FGFR3: variants seen among roughly 807,000 people sequenced by gnomAD.
The protein encoded by FGFR3 is FGFR-3.
In FGFR3, 25 loss-of-function variants were observed where a neutral mutation model predicts 82.9. The observed-to-expected ratio is 0.30, with a 90% CI of 0.22 to 0.42. The LOEUF (loss-of-function observed/expected upper bound fraction) is 0.42, where lower values mean the gene tolerates loss of function less well. Among genes scored for constraint, FGFR3 ranks in the 10% least tolerant of loss-of-function variants. The pLI, the probability that FGFR3 is intolerant of heterozygous loss-of-function variation, is 1.00. For missense variants in FGFR3, 1,026 were observed against 1,161.0 expected (o/e 0.88, Z 1.69); for synonymous variants, 620 against 516.0 (o/e 1.20, Z -2.73).
In FGFR3 at chr4:1,804,916, T is replaced by A; in HGVS notation, c.1359T>A (p.Asn453Lys). The change falls in exon 10 of 18, where the codon AAT becomes AAA. Residue 453 changes from asparagine to lysine, a missense_variant. Around this residue, in one of 9 missense-constraint regions of FGFR3, gnomAD observed 256 missense variants for 217.6 expected, o/e 1.18. Transcript: ENST00000440486. ...LSSGEGPTLANVSELELPADP... is the reference protein window; with the variant it reads ...LSSGEGPTLAKVSELELPADP... ...CAGGGGAGGGCCCCACGCTGGCCAA[T>A]GTCTCCGAGCTCGAGCTGCCTGCCG... is the stretch of plus-strand genomic sequence containing the variant. The A allele has an allele frequency of 6.5e-7, 1 of 1,549,696 alleles. No individual in the cohort carries two copies. The highest frequency in any genetic ancestry group is 8.7e-7 in the Non-Finnish European group (1 of 1,146,864).
chr4:1,803,232 C>T, intron 7 of FGFR3: 5 of 808,490 alleles, frequency 6.2e-6, no homozygotes, highest in Non-Finnish European at 8.7e-6. Flanking sequence ...CGGTGACCGC[C>T]CGCTTCGAGC....
chr4:1,802,459 C>T (rs902872909), intron 7 of FGFR3, among the ~76,000 whole-genome samples: 2 of 152,322 alleles, frequency 1.3e-5, no homozygotes, highest in South Asian at 2.1e-4. Flanking sequence ...TGCCCGCCTC[C>T]TGAAGCCCTT....
rs1722213535 is a variant in FGFR3 at position 1,808,209 on chromosome 4, A to C, written c.*947A>C. 1 of 232,700 alleles carries C rather than the reference A, an allele frequency of 4.3e-6. No individual in the cohort carries two copies. The highest frequency in any genetic ancestry group is 1.8e-4 in the South Asian group (1 of 5,510). 14.4% of individuals were successfully genotyped at this position (232,700 alleles called of 1,614,324 possible). A position where few individuals can be genotyped will look rare whatever the true frequency, so the allele number is the denominator to read the frequency against. On this transcript the variant is annotated 3_prime_UTR_variant, in exon 18 of 18. Coordinates refer to ENST00000440486, the MANE Select transcript of FGFR3 (RefSeq NM_000142.5). ...GAGTTTTAATTTTTAACTTATTGAC[A>C]ACCGAGAAGGTTTATCCCGCCGATA...
At position 1,807,373 on chromosome 4, in the gene FGFR3, G is replaced by GACCAA; in HGVS notation, c.*112_*113insCCAAA. On this transcript the variant is annotated 3_prime_UTR_variant, in exon 18 of 18. Coordinates refer to ENST00000440486, the MANE Select transcript of FGFR3 (RefSeq NM_000142.5). ...GTGCAGATGGAGAGACAGCTACACA[G>GACCAA]AGCTTTGGTCTGTGTGTGTGTGTGT... 8 of 1,446,580 alleles carry GACCAA rather than the reference G, an allele frequency of 5.5e-6. No homozygotes were observed. Among genetic ancestry groups the GACCAA allele is most frequent in the Non-Finnish European group, 7.5e-6 (8 of 1,069,180 alleles). 89.6% of individuals were successfully genotyped at this position (1,446,580 alleles called of 1,614,324 possible). A position where few individuals can be genotyped will look rare whatever the true frequency, so the allele number is the denominator to read the frequency against.
chr4:1,802,479 C>G (rs958409830), intron 7 of FGFR3, among the ~76,000 whole-genome samples: 3 of 152,184 alleles, frequency 2.0e-5, no homozygotes, highest in African/African-American at 7.2e-5. Context: ...TAGCTTTGTT[C>G]CCATGGCTGC....
intron 10 of FGFR3, among the ~76,000 whole-genome samples, 156 bp downstream of exon 10, chr4:1,805,125 G>A (rs1331453371): frequency 1.3e-5 from 2 of 152,252 alleles, no homozygotes; most frequent in African/African-American, 4.8e-5. Flanking sequence ...TGGGACGGGT[G>A]TATGGCAGGG....
rs1309668837 is a variant in FGFR3 at position 1,808,650 on chromosome 4, G to A, written c.*1388G>A. On this transcript the variant is annotated 3_prime_UTR_variant, in exon 18 of 18. Coordinates refer to ENST00000440486, the MANE Select transcript of FGFR3 (RefSeq NM_000142.5). ...ATAGCCTGGACTGCTACCTTTCAAAGCTTGGAGGGAAGCCGTGAATTCAGT... is the reference window on the plus strand; with the variant it reads ...ATAGCCTGGACTGCTACCTTTCAAAACTTGGAGGGAAGCCGTGAATTCAGT... The A allele has an allele frequency of 8.6e-6, 2 of 231,674 alleles. No individual in the cohort carries two copies. Among genetic ancestry groups the A allele is most frequent in the African/African-American group, 2.2e-5 (1 of 45,204 alleles). The allele number at this position is 231,674 out of a possible 1,614,324, so 14.4% of individuals were successfully genotyped here.
rs745848425 is a variant in FGFR3 at position 1,805,822 on chromosome 4, C to T, written c.1718C>T (p.Pro573Leu). ...GAGTTTCTGCGGGCGCGGCGGCCCC[C>T]GGGCCTGGACTACTCCTTCGACACC... ...LREFLRARRP[P>L]GLDYSFDTCK... is the part of the protein sequence containing the mutation. The change falls in exon 13 of 18, where the codon CCG becomes CTG. Residue 573 changes from proline to leucine, a missense_variant. By Grantham distance (98) the Pro-to-Leu change is moderately conservative (BLOSUM62 -3). Transcript: ENST00000440486. 48 of 1,612,228 alleles carry T rather than the reference C, an allele frequency of 3.0e-5. No individual in the cohort carries two copies. The highest frequency in any genetic ancestry group is 3.9e-5 in the Non-Finnish European group (46 of 1,179,800).
chr4:1,802,674 A>T (rs925109182), intron 7 of FGFR3, among the ~76,000 whole-genome samples: 2 of 151,942 alleles, frequency 1.3e-5, no homozygotes, highest in African/African-American at 4.8e-5. Context: ...AGCCCGGGGG[A>T]GGGCAGGCCA....
intron 4 of FGFR3, 150 bp downstream of exon 4, chr4:1,799,962 G>A: frequency 4.7e-6 from 4 of 853,812 alleles, no homozygotes; most frequent in Non-Finnish European, 5.4e-6. Flanking sequence ...GATACAGGAG[G>A]GGCTGGGTCA....
rs990480051 is a variant in FGFR3 at position 1,805,752 on chromosome 4, C to T, written c.1648C>T (p.Pro550Ser). The T allele has an allele frequency of 2.5e-6, 4 of 1,612,446 alleles. No individual in the cohort carries two copies. Among genetic ancestry groups the T allele is most frequent in the Middle Eastern group, 1.7e-4 (1 of 6,026 alleles). Residue 550 changes from proline to serine, a missense_variant and splice_region_variant, in exon 13 of 18, where the codon CCC (proline) becomes TCC (serine). By Grantham distance (74) the Pro-to-Ser change is moderately conservative. Transcript: ENST00000440486. ...NLLGACTQGG[P>S]LYVLVEYAAK... The stretch of plus-strand genomic sequence containing the variant: ...GTCTGAGGAGCCCGTGTCCCCAGGG[C>T]CCCTGTACGTGCTGGTGGAGTACGC...
chr4:1,806,925 G>A lies in FGFR3; in HGVS notation c.2265G>A (p.Thr755=), dbSNP rs755791719. Residue 755 remains threonine, a synonymous_variant, in exon 17 of 18, where the codon ACG becomes ACA. Coordinates refer to ENST00000440486, the MANE Select transcript of FGFR3 (RefSeq NM_000142.5). ...VEDLDRVLTV[T]STDEYLDLSA... Reference sequence around the variant, plus strand: ...ACCTGGACCGTGTCCTTACCGTGACGTCCACCGACGTGAGTGCTGGCTCTG... The same window carrying A: ...ACCTGGACCGTGTCCTTACCGTGACATCCACCGACGTGAGTGCTGGCTCTG... 33 of 1,606,138 alleles carry A rather than the reference G, an allele frequency of 2.1e-5. No homozygotes were observed. The highest frequency in any genetic ancestry group is 1.6e-4 in the Middle Eastern group (1 of 6,076).
Position 1,807,766 on chromosome 4 carries a change from C to G in FGFR3, c.*504C>G. On this transcript the variant is annotated 3_prime_UTR_variant, in exon 18 of 18. Coordinates refer to ENST00000440486, the MANE Select transcript of FGFR3 (RefSeq NM_000142.5). ...ACCGCCTCCCCACCTCCAGGCTTTCCCACTTCCCACCCTGCCCCTCAGAGA... is the reference window on the plus strand; with the variant it reads ...ACCGCCTCCCCACCTCCAGGCTTTCGCACTTCCCACCCTGCCCCTCAGAGA... 1.8e-6 allele frequency: 1 copy of G among 561,244 alleles called. No homozygotes were observed. The highest frequency in any genetic ancestry group is 1.8e-5 in the African/African-American group (1 of 55,026). The allele number at this position is 561,244 out of a possible 1,614,324, so 34.8% of individuals were successfully genotyped here.
In FGFR3 at chr4:1,807,749, C is replaced by G; in HGVS notation, c.*487C>G. ...CCTGGGGTGTTAGTGGCACCGCCTCCCCACCTCCAGGCTTTCCCACTTCCC... is the reference window on the plus strand; with the variant it reads ...CCTGGGGTGTTAGTGGCACCGCCTCGCCACCTCCAGGCTTTCCCACTTCCC... On this transcript the variant is annotated 3_prime_UTR_variant, in exon 18 of 18. Transcript: ENST00000440486. 1 of 587,172 alleles carries G rather than the reference C, an allele frequency of 1.7e-6. No individual in the cohort carries two copies. The highest frequency in any genetic ancestry group is 3.3e-6 in the Non-Finnish European group (1 of 301,680). The allele number at this position is 587,172 out of a possible 1,614,324, so 36.4% of individuals were successfully genotyped here.
At chr4:1,800,101 T>C (rs1354800965) in intron 4 of FGFR3, among the ~76,000 whole-genome samples, 2 of 151,892 alleles carry the variant, frequency 1.3e-5, no homozygotes, top group East Asian at 3.9e-4. Flanking sequence ...AGGGCTGGCC[T>C]GTGGGGCTCT....
rs2108784471 is a variant in FGFR3 at position 1,801,951 on chromosome 4, C to G, written c.856C>G (p.Gln286Glu). 1 of 1,612,844 alleles carries G rather than the reference C, an allele frequency of 6.2e-7. No homozygotes were observed. The highest frequency in any genetic ancestry group is 8.5e-7 in the Non-Finnish European group (1 of 1,179,872). The change falls in exon 7 of 18, where the codon CAG (glutamine) becomes GAG (glutamate). Residue 286 changes from glutamine (Q) to glutamate (E), a missense_variant. Coordinates refer to ENST00000440486, the MANE Select transcript of FGFR3 (RefSeq NM_000142.5). ...GTACAGTGACGCACAGCCCCACATCCAGTGGCTCAAGCACGTGGAGGTGAA... is the reference window on the plus strand; with the variant it reads ...GTACAGTGACGCACAGCCCCACATCGAGTGGCTCAAGCACGTGGAGGTGAA... ...KVYSDAQPHIQWLKHVEVNGS... is the reference protein window; with the variant it reads ...KVYSDAQPHIEWLKHVEVNGS...
intron 8 of FGFR3, 54 bp downstream of exon 8, chr4:1,803,890 G>A (rs1332219838): frequency 1.3e-5 from 20 of 1,573,616 alleles, no homozygotes; most frequent in Middle Eastern, 1.8e-4. Flanking sequence ...ACGCTGGCTC[G>A]GGACACGCCA....
Position 1,805,632 on chromosome 4 carries a change from A to G in FGFR3, c.1608A>G (p.Lys536=), listed in dbSNP as rs2108803421. The change falls in exon 12 of 18, where the codon AAA becomes AAG. Residue 536 remains lysine, a synonymous_variant. Coordinates refer to ENST00000440486, the MANE Select transcript of FGFR3 (RefSeq NM_000142.5). ...TGATGAAGATGATCGGGAAACACAA[A>G]AACATCATCAACCTGCTGGGCGCCT... ...MEMMKMIGKH[K]NIINLLGACT... 1.9e-6 allele frequency: 3 copies of G among 1,613,270 alleles called. No homozygotes were observed. Among genetic ancestry groups the G allele is most frequent in the African/African-American group, 2.7e-5 (2 of 75,020 alleles).
rs146127079 is a variant in FGFR3 at position 1,801,959 on chromosome 4, C to T, written c.864C>T (p.Leu288=). ...YSDAQPHIQW[L]KHVEVNGSKV... ...ACGCACAGCCCCACATCCAGTGGCTCAAGCACGTGGAGGTGAATGGCAGCA... is the reference window on the plus strand; with the variant it reads ...ACGCACAGCCCCACATCCAGTGGCTTAAGCACGTGGAGGTGAATGGCAGCA... Residue 288 remains leucine, a synonymous_variant, in exon 7 of 18, where the codon CTC becomes CTT. Transcript: ENST00000440486. 5.0e-6 allele frequency: 8 copies of T among 1,612,846 alleles called. No individual in the cohort carries two copies. The highest frequency in any genetic ancestry group is 1.6e-4 in the Middle Eastern group (1 of 6,062).
Sources: allele counts gnomAD v4.1 joint callset (sites outside exome capture counted in the v4.1 genomes callset), GRCh38; gene constraint gnomAD v4.1.1; regional missense constraint gnomAD v4.1.1; transcripts MANE v1.5; gene names NCBI Gene and HGNC (gene_info 2026-07-23, HGNC 2026-07-21).